NEB: variants seen among roughly 807,000 people sequenced by gnomAD.
NEB encodes the protein nemaline myopathy type 2.
NEB carries 512 observed loss-of-function variants against 952.2 expected under a neutral mutation model. The observed-to-expected ratio is 0.54, with a 90% CI of 0.50 to 0.58. The LOEUF is 0.58. Ranked by LOEUF, NEB falls within the 20% of genes least tolerant of loss-of-function variation. NEB has a pLI of 0.00. For synonymous variants in NEB, 2,900 were observed against 3,149.8 expected (o/e 0.92, Z 2.66); for missense variants, 8,428 against 9,231.1 (o/e 0.91, Z 3.56).
chr2:151,651,799 T>A (rs1184739354), intron 52 of NEB, among the ~76,000 whole-genome samples: 1 of 152,204 alleles, frequency 6.6e-6, no homozygotes, highest in East Asian at 1.9e-4. Context: ...TATAAAATAT[T>A]CAGGAGTTTA....
intron 119 of NEB, among the ~76,000 whole-genome samples, chr2:151,563,259 C>G (rs1372312452): frequency 2.0e-5 from 3 of 152,108 alleles, no homozygotes; most frequent in Non-Finnish European, 4.4e-5. Flanking sequence ...TGGTGATCTG[C>G]CTGCCTTGGC....
intron 153 of NEB, among the ~76,000 whole-genome samples, chr2:151,523,814 C>A (rs1292219964): frequency 6.6e-6 from 1 of 152,094 alleles, no homozygotes; most frequent in Non-Finnish European, 1.5e-5. Context: ...ATGATTTATC[C>A]ATGGACAAGT....
At chr2:151,669,557 A>T (rs1361616019) in intron 38 of NEB, among the ~76,000 whole-genome samples, 3 of 152,206 alleles carry the variant, frequency 2.0e-5, no homozygotes. Flanking sequence ...AGAGAGGGGC[A>T]GAGGAAGAGC....
rs1237566117 is a variant in NEB, at chr2:151,656,395, G to C, written c.6253C>G (p.Pro2085Ala). 1 of 1,613,464 alleles carries C rather than the reference G, an allele frequency of 6.2e-7. No individual in the cohort carries two copies. Among genetic ancestry groups the C allele is most frequent in the Admixed American group, 1.7e-5 (1 of 59,954 alleles). The stretch of plus-strand genomic sequence containing the variant: ...ACTTGCATGGAATGGACTAATTTGG[G>C]ATCATCCTCGAGACTGCGGAAACCA... ...MVGFRSLEDD[P>A]KLVHSMQVAK... The change falls in exon 49 of 182, where the codon CCC (proline) becomes GCC (alanine). Residue 2085 changes from proline (P) to alanine (A), a missense_variant. Around this residue, in one of 11 missense-constraint regions of NEB, gnomAD observed 2,851 missense variants for 2,791.5 expected, o/e 1.02. Coordinates refer to ENST00000397345, the MANE Select transcript of NEB (RefSeq NM_001164508.2).
At chr2:151,549,285 G>A (rs1022463689) in intron 130 of NEB, among the ~76,000 whole-genome samples, 16 of 152,192 alleles carry the variant, frequency 1.1e-4, no homozygotes, top group Admixed American at 2.0e-4. Flanking sequence ...CACCTCAGTA[G>A]TGCGTGTGTG....
Position 151,732,990 on chromosome 2 carries a change from A to G in NEB, c.36+131T>C, listed in dbSNP as rs944331217. 5.5e-6 allele frequency: 4 copies of G among 722,524 alleles called. No individual in the cohort carries two copies. The African/African-American group carries it at 7.2e-5, about 13-fold the overall frequency. The allele number at this position is 722,524 out of a possible 1,614,324, so 44.8% of individuals were successfully genotyped here. A position where few individuals can be genotyped will look rare whatever the true frequency, so the allele number is the denominator to read the frequency against. ...ACTGAACATAAAATATTCCTTTCTT[A>G]TGCTTTAAATGATGACTCTTTGTGA... On this transcript the variant is annotated intron_variant, in intron 3 of 181. Transcript: ENST00000397345.
In NEB at chr2:151,546,337, G is replaced by C. The variant is rs757210732; in HGVS notation, c.20466+8C>G. 2.5e-6 allele frequency: 4 copies of C among 1,606,756 alleles called. No homozygotes were observed. Among genetic ancestry groups the C allele is most frequent in the Non-Finnish European group, 3.4e-6 (4 of 1,175,198 alleles). The stretch of plus-strand genomic sequence containing the variant: ...GGGTAATTATGCATTGTGATGATGT[G>C]CACTCACCCAGAGCTTCCGCAGGTG... On this transcript the variant is annotated splice_region_variant and intron_variant, in intron 134 of 181. Transcript: ENST00000397345.
At chr2:151,682,586 G>A in intron 29 of NEB, 76 bp downstream of exon 29, 2 of 1,174,690 alleles carry the variant, frequency 1.7e-6, no homozygotes, top group Non-Finnish European at 2.5e-6. Flanking sequence ...AGCAATGAAG[G>A]AGCACTGCCC....
At chr2:151,718,605 C>T (rs554223659) in intron 9 of NEB, among the ~76,000 whole-genome samples, 91 of 152,274 alleles carry the variant, frequency 6.0e-4, no homozygotes, top group African/African-American at 2.0e-3. Context: ...CCTTCCCTGG[C>T]TCAGAGGAGA....
Position 151,489,997 on chromosome 2 carries a change from T to A in NEB, c.25378A>T (p.Ile8460Phe), listed in dbSNP as rs2054886210. The A allele has an allele frequency of 6.2e-7, 1 of 1,609,934 alleles. No individual in the cohort carries two copies. The highest frequency in any genetic ancestry group is 8.5e-7 in the Non-Finnish European group (1 of 1,176,360). ...CCAGCAGTAGATGGATGAGATGGGA[T>A]GGAAGATACCGTTGTCTGTTGGGTA... Reference protein sequence around the residue: ...VATQQTTVSSIPSHPSTAGKI... With the variant: ...VATQQTTVSSFPSHPSTAGKI... The change falls in exon 181 of 182, where the codon ATC becomes TTC. Residue 8460 changes from isoleucine to phenylalanine, a missense_variant. By Grantham distance (21) the Ile-to-Phe change is conservative. Around this residue, in one of 11 missense-constraint regions of NEB, gnomAD observed 3,374 missense variants for 3,651.5 expected, o/e 0.92. Coordinates refer to ENST00000397345, the MANE Select transcript of NEB (RefSeq NM_001164508.2).
chr2:151,544,914 A>C (rs2094502031), intron 135 of NEB, among the ~76,000 whole-genome samples: 1 of 152,232 alleles, frequency 6.6e-6, no homozygotes, highest in Admixed American at 6.5e-5. Flanking sequence ...GTAGAATGAG[A>C]ATGGCCAACT....
chr2:151,492,653 G>C (rs1188533136), intron 176 of NEB, 159 bp from the exon 177 acceptor site: 1 of 434,906 alleles, frequency 2.3e-6, no homozygotes, highest in Admixed American at 4.0e-5. Context: ...GGCTAATCTG[G>C]GGACCAGAAG....
intron 7 of NEB, 113 bp from the exon 8 acceptor site, chr2:151,724,477 T>C (rs1272692264): frequency 2.6e-6 from 2 of 767,958 alleles, no homozygotes; most frequent in South Asian, 3.0e-5. Flanking sequence ...TGCCAATGGG[T>C]TACTAGGAAA....
At chr2:151,623,712 A>T (rs929443324) in intron 71 of NEB, among the ~76,000 whole-genome samples, 1 of 152,148 alleles carries the variant, frequency 6.6e-6, no homozygotes, top group Non-Finnish European at 1.5e-5. Context: ...GATAAATTCC[A>T]GAGGGAATCT....
intron 113 of NEB, among the ~76,000 whole-genome samples, 153 bp downstream of exon 113, chr2:151,567,918 G>A (rs2096477918): frequency 6.6e-6 from 1 of 152,148 alleles, no homozygotes; most frequent in Non-Finnish European, 1.5e-5. Flanking sequence ...AGACCGAAAA[G>A]TGAGCAGGTA....
In NEB at chr2:151,729,797, G is replaced by C. The variant is rs1174117009; in HGVS notation, c.37-141C>G. ...GGGAAAGGGGTAGGTGAGGGAGCCT[G>C]TTCATATTTTGGAACCCATCTTCAC... On this transcript the variant is annotated intron_variant, in intron 3 of 181. Coordinates refer to ENST00000397345, the MANE Select transcript of NEB (RefSeq NM_001164508.2). 7 of 840,678 alleles carry C rather than the reference G, an allele frequency of 8.3e-6. No individual in the cohort carries two copies. The East Asian group carries it at 1.8e-4, about 21-fold the overall frequency. The allele number at this position is 840,678 out of a possible 1,614,324, so 52.1% of individuals were successfully genotyped here.
rs1015971151 is a variant in NEB, at chr2:151,576,142, C to T, written c.16908+9G>A. 6.4e-7 allele frequency: 1 copy of T among 1,567,466 alleles called. No homozygotes were observed. The highest frequency in any genetic ancestry group is 1.2e-5 in the South Asian group (1 of 82,142). On this transcript the variant is annotated intron_variant, in intron 106 of 181. Transcript: ENST00000397345. ...TTAATTCAATTTTAATAGAGAAAAA[C>T]TAACTCACAATACTAATATTTTCAG...
intron 3 of NEB, among the ~76,000 whole-genome samples, chr2:151,731,640 G>A (rs1054058161): frequency 6.6e-6 from 1 of 152,104 alleles, no homozygotes; most frequent in Non-Finnish European, 1.5e-5. Flanking sequence ...TGGTAGGGAT[G>A]GGATGTCTAA....
At chr2:151,575,906 T>A in intron 106 of NEB, 107 bp from the exon 107 acceptor site, 1 of 863,462 alleles carries the variant, frequency 1.2e-6, no homozygotes, top group Non-Finnish European at 1.9e-6. Context: ...AACCCTTTCA[T>A]GTTAGGGCAA....
Sources: allele counts gnomAD v4.1 joint callset (sites outside exome capture counted in the v4.1 genomes callset), GRCh38; gene constraint gnomAD v4.1.1; regional missense constraint gnomAD v4.1.1; transcripts MANE v1.5; gene names NCBI Gene and HGNC (gene_info 2026-07-23, HGNC 2026-07-21).